The following WARS2 variants were observed in gnomAD, a reference collection of about 807,000 sequenced individuals.
The protein encoded by WARS2 is tryptophanyl tRNA synthetase 2, mitochondrial, also known as tryptophan--tRNA ligase, mitochondrial.
WARS2 carries 28 observed loss-of-function variants against 36.5 expected under a neutral mutation model. That is an observed-to-expected ratio of 0.77 (90% confidence interval 0.57 to 1.05). The LOEUF (loss-of-function observed/expected upper bound fraction) is 1.05, where lower values mean the gene tolerates loss of function less well. Among genes scored for constraint, WARS2 ranks in the 50% least tolerant of loss-of-function variants. The pLI, the probability that WARS2 is intolerant of heterozygous loss-of-function variation, is 0.00. For synonymous variants in WARS2, 174 were observed against 178.4 expected, an observed-to-expected ratio of 0.98 and a Z score of 0.20; for missense variants, 435 against 456.8, an observed-to-expected ratio of 0.95 and a Z score of 0.44.
At chr1:119,128,097 T>C (rs1480335885) in intron 1 of WARS2, among the ~76,000 whole-genome samples, 1 of 152,118 alleles carries the variant, frequency 6.6e-6, no homozygotes. Context: ...TCTTTTGAGA[T>C]GGAGTCTTGC....
chr1:119,081,433 G>A (rs972317598), intron 1 of WARS2, among the ~76,000 whole-genome samples: 2 of 152,164 alleles, frequency 1.3e-5, no homozygotes, highest in Non-Finnish European at 2.9e-5. Flanking sequence ...TTCTTACAAA[G>A]TCCTGCTTGT....
chr1:119,092,679 A>G (rs1653127455), intron 1 of WARS2, among the ~76,000 whole-genome samples: 1 of 152,192 alleles, frequency 6.6e-6, no homozygotes, highest in Non-Finnish European at 1.5e-5. Context: ...TAGCTATGTG[A>G]TCTTTGGCAA....
At chr1:119,083,575 G>C (rs746549453) in intron 1 of WARS2, among the ~76,000 whole-genome samples, 2 of 151,856 alleles carry the variant, frequency 1.3e-5, no homozygotes, top group Non-Finnish European at 2.9e-5. Flanking sequence ...CATCTCTTTG[G>C]GCTATTTTCT....
At chr1:119,090,592 G>A (rs1382830760) in intron 1 of WARS2, among the ~76,000 whole-genome samples, 1 of 152,092 alleles carries the variant, frequency 6.6e-6, no homozygotes, top group African/African-American at 2.4e-5. Flanking sequence ...ATAAGCCTGG[G>A]CCAGATGCAG....
intron 1 of WARS2, among the ~76,000 whole-genome samples, 170 bp from the exon 2 acceptor site, chr1:119,076,777 A>G (rs904239438): frequency 5.3e-5 from 8 of 152,156 alleles, no homozygotes; most frequent in African/African-American, 1.9e-4. Context: ...GCTAGGTGCT[A>G]CTAGGCACAA....
intron 1 of WARS2, among the ~76,000 whole-genome samples, chr1:119,082,027 T>C (rs1019046488): frequency 2.6e-5 from 4 of 151,956 alleles, no homozygotes; most frequent in Non-Finnish European, 4.4e-5. Context: ...TAGGAATCAA[T>C]AGAGTAAATA....
intron 1 of WARS2, among the ~76,000 whole-genome samples, chr1:119,112,190 G>T (rs2101504282): frequency 6.6e-6 from 1 of 152,260 alleles, no homozygotes; most frequent in Non-Finnish European, 1.5e-5. Context: ...CCAAAGGGCT[G>T]CAATTATAGG....
chr1:119,112,558 G>A (rs587649056), intron 1 of WARS2, among the ~76,000 whole-genome samples: 22 of 152,270 alleles, frequency 1.4e-4, no homozygotes, highest in African/African-American at 3.9e-4. Flanking sequence ...CATCTCTTCC[G>A]TTGTGTCTTG....
intron 2 of WARS2, among the ~76,000 whole-genome samples, chr1:119,075,242 A>T (rs1023003852): frequency 6.6e-5 from 10 of 152,196 alleles, no homozygotes; most frequent in African/African-American, 2.2e-4. Flanking sequence ...AAATTAAAAA[A>T]CAATACAGTA....
intron 1 of WARS2, among the ~76,000 whole-genome samples, chr1:119,115,741 A>C (rs1487339900): frequency 1.3e-5 from 2 of 152,170 alleles, no homozygotes; most frequent in Non-Finnish European, 2.9e-5. Flanking sequence ...GTTCAAATCG[A>C]TCTTCTGGTT....
chr1:119,110,469 C>T (rs587671797), intron 1 of WARS2, among the ~76,000 whole-genome samples: 22 of 152,012 alleles, frequency 1.4e-4, no homozygotes, highest in Non-Finnish European at 2.4e-4. Context: ...TTTTTGCTTG[C>T]GTGGATTCTG....
intron 2 of WARS2, among the ~76,000 whole-genome samples, chr1:119,062,593 C>A (rs1650477087): frequency 6.6e-6 from 1 of 152,162 alleles, no homozygotes. Context: ...TGAATTGTAT[C>A]TCGCAGAATT....
intron 2 of WARS2, among the ~76,000 whole-genome samples, chr1:119,072,037 T>C (rs2101287138): frequency 6.6e-6 from 1 of 152,332 alleles, no homozygotes; most frequent in Non-Finnish European, 1.5e-5. Context: ...ATCACCATGA[T>C]GATCTTTCAC....
At chr1:119,046,126 A>G (rs1648799876) in intron 2 of WARS2, among the ~76,000 whole-genome samples, 1 of 152,096 alleles carries the variant, frequency 6.6e-6, no homozygotes, top group African/African-American at 2.4e-5. Flanking sequence ...TAAGTGGTGG[A>G]AAAAGGTACT....
intron 1 of WARS2, among the ~76,000 whole-genome samples, chr1:119,136,068 G>T (rs1372627252): frequency 6.6e-6 from 1 of 152,004 alleles, no homozygotes; most frequent in Admixed American, 6.6e-5. Flanking sequence ...CACCGTGCTT[G>T]GCCAATAGAT....
chr1:119,126,613 C>T, intron 1 of WARS2: 2 of 684,950 alleles, frequency 2.9e-6, no homozygotes, highest in Admixed American at 3.7e-5. Flanking sequence ...TCCCCAGTGG[C>T]TTTTCCAAAA....
In WARS2 at chr1:119,131,304, G is replaced by C. The variant is rs1557760359; in HGVS notation, c.90+9251C>G. ...CAGACAGATAAGGATAGGAAGAAAG[G>C]CCTTTCCAAGAAGAGGTAATGGCAT... On this transcript the variant is annotated intron_variant, in intron 1 of 5. Transcript: ENST00000235521. 3.3e-5 allele frequency among the ~76,000 whole-genome samples: 5 copies of C among 152,102 alleles called. No individual in the cohort carries two copies. In the South Asian group the frequency reaches 8.3e-4, roughly 25 times the overall value.
At position 119,092,018 on chromosome 1, in the gene WARS2, C is replaced by T. The variant is rs587733041; in HGVS notation, c.91-15411G>A. ...ACAAAAGCAGTTCCCATAAACTGCCCGGTTTGAACTAGAATCTAGAATTCC... is the reference window on the plus strand; with the variant it reads ...ACAAAAGCAGTTCCCATAAACTGCCTGGTTTGAACTAGAATCTAGAATTCC... On this transcript the variant is annotated intron_variant, in intron 1 of 5. Transcript: ENST00000235521. 1.1e-4 allele frequency among the ~76,000 whole-genome samples: 16 copies of T among 152,146 alleles called. No individual in the cohort carries two copies. The East Asian group carries it at 3.1e-3, about 29-fold the overall frequency.
chr1:119,047,885 G>A (rs572285208), intron 2 of WARS2, among the ~76,000 whole-genome samples: 1 of 152,348 alleles, frequency 6.6e-6, no homozygotes, highest in East Asian at 1.9e-4. Flanking sequence ...TAGAAAGAAA[G>A]AACTGAAGAT....
Sources: allele counts gnomAD v4.1 joint callset (sites outside exome capture counted in the v4.1 genomes callset), GRCh38; gene constraint gnomAD v4.1.1; transcripts MANE v1.5; gene names NCBI Gene and HGNC (gene_info 2026-07-23, HGNC 2026-07-21).